The following SLC9B1 variants were observed in gnomAD, a reference collection of about 807,000 sequenced individuals.
SLC9B1 encodes solute carrier family 9 member B1.
In SLC9B1, 32 loss-of-function variants were observed where a neutral mutation model predicts 51.7. That is an observed-to-expected ratio of 0.62 (90% CI 0.47 to 0.83). The LOEUF (loss-of-function observed/expected upper bound fraction) is 0.83, where lower values mean the gene tolerates loss of function less well. SLC9B1 is among the 40% of genes least tolerant of loss of function. The probability of loss-of-function intolerance (pLI) is 0.00; values close to 1 mark genes in which losing one functional copy is unlikely to be tolerated. For missense variants in SLC9B1, 406 were observed against 613.2 expected (o/e 0.66, Z 3.57); for synonymous variants, 145 against 212.7 (o/e 0.68, Z 2.77).
chr4:102,927,931 T>C (rs537122196), intron 7 of SLC9B1, among the ~76,000 whole-genome samples: 2 of 152,196 alleles, frequency 1.3e-5, no homozygotes, highest in African/African-American at 2.4e-5. Flanking sequence ...TGCAGGGAGA[T>C]AGATGAAGCT....
intron 3 of SLC9B1, among the ~76,000 whole-genome samples, chr4:102,955,126 C>T (rs1737717956): frequency 6.6e-6 from 1 of 152,170 alleles, no homozygotes; most frequent in South Asian, 2.1e-4. Context: ...GAATTGTACT[C>T]CCACAATTCC....
intron 3 of SLC9B1, among the ~76,000 whole-genome samples, chr4:102,959,502 A>G (rs1324073519): frequency 6.6e-6 from 1 of 151,970 alleles, no homozygotes; most frequent in Non-Finnish European, 1.5e-5. Flanking sequence ...ATTTCTGGTT[A>G]TAGAATTTTT....
At chr4:102,905,233 A>ATTTATTTT (rs569004930) in intron 11 of SLC9B1, among the ~76,000 whole-genome samples, 4 of 149,468 alleles carry the variant, frequency 2.7e-5, no homozygotes, top group Non-Finnish European at 5.9e-5. Flanking sequence ...TTATTTATTT[A>ATTTATTTT]TTTTTTTGAG....
intron 11 of SLC9B1, among the ~76,000 whole-genome samples, chr4:102,902,237 C>A (rs1734823348): frequency 6.6e-6 from 1 of 151,996 alleles, no homozygotes; most frequent in Non-Finnish European, 1.5e-5. Flanking sequence ...GAATTAAATA[C>A]CAATATATAA....
intron 3 of SLC9B1, among the ~76,000 whole-genome samples, chr4:102,958,962 C>G (rs778157946): frequency 1.1e-4 from 17 of 150,994 alleles, no homozygotes; most frequent in Non-Finnish European, 2.4e-4. Flanking sequence ...AAATAGGGCA[C>G]TAAAAATACT....
intron 3 of SLC9B1, among the ~76,000 whole-genome samples, chr4:102,951,528 T>G (rs1463397989): frequency 2.6e-5 from 4 of 151,828 alleles, no homozygotes; most frequent in Non-Finnish European, 5.9e-5. Context: ...AGAAATTACT[T>G]GAAAGCATTG....
At chr4:103,017,382 T>G (rs1038023731) in intron 1 of SLC9B1, among the ~76,000 whole-genome samples, 10 of 152,238 alleles carry the variant, frequency 6.6e-5, no homozygotes, top group Admixed American at 4.6e-4. Context: ...AACTCACTAC[T>G]GGTTTCTCTT....
chr4:102,950,697 T>C (rs946859174), intron 3 of SLC9B1, among the ~76,000 whole-genome samples: 1 of 152,074 alleles, frequency 6.6e-6, no homozygotes, highest in Non-Finnish European at 1.5e-5. Context: ...AAACTCTTAC[T>C]AAAAGAATGG....
intron 1 of SLC9B1, among the ~76,000 whole-genome samples, chr4:103,002,122 G>A (rs919650499): frequency 1.3e-5 from 2 of 152,174 alleles, no homozygotes; most frequent in African/African-American, 4.8e-5. Context: ...CCCTCAACAT[G>A]TGGGCTTACA....
intron 1 of SLC9B1, among the ~76,000 whole-genome samples, chr4:103,012,204 C>A (rs963036979): frequency 1.3e-5 from 2 of 152,188 alleles, no homozygotes; most frequent in African/African-American, 4.8e-5. Context: ...ATTTCTTCCC[C>A]TAAATATCCT....
At chr4:102,968,538 A>G (rs1738554403) in intron 3 of SLC9B1, among the ~76,000 whole-genome samples, 1 of 152,250 alleles carries the variant, frequency 6.6e-6, no homozygotes, top group Non-Finnish European at 1.5e-5. Flanking sequence ...AATATTTCTT[A>G]AATAAATGAA....
At chr4:102,998,350 T>C (rs1258582900) in intron 1 of SLC9B1, among the ~76,000 whole-genome samples, 2 of 152,214 alleles carry the variant, frequency 1.3e-5, no homozygotes, top group Non-Finnish European at 2.9e-5. Context: ...CTGTACATGT[T>C]GTAGCATGTA....
At chr4:102,918,027 C>T (rs1735669470) in intron 7 of SLC9B1, among the ~76,000 whole-genome samples, 1 of 139,992 alleles carries the variant, frequency 7.1e-6, no homozygotes, top group Non-Finnish European at 1.5e-5. Context: ...GAGATCGTGC[C>T]ACTGCACTCC....
chr4:102,893,698 T>C (rs144385070), intron 11 of SLC9B1, among the ~76,000 whole-genome samples: 1,837 of 151,908 alleles, frequency 0.012, 39 homozygotes, highest in African/African-American at 0.042. Flanking sequence ...CCAAGGTGGG[T>C]GGATCACTTA....
intron 7 of SLC9B1, among the ~76,000 whole-genome samples, chr4:102,920,089 C>T (rs1735787663): frequency 6.6e-6 from 1 of 152,244 alleles, no homozygotes; most frequent in South Asian, 2.1e-4. Flanking sequence ...AATGGACAGA[C>T]TGCCTCATCA....
intron 3 of SLC9B1, among the ~76,000 whole-genome samples, chr4:102,955,903 G>A (rs4235408): frequency 0.26 from 21,605 of 81,640 alleles, 1,996 homozygotes; most frequent in African/African-American, 0.34. Context: ...GAAAGAAAGA[G>A]AGAGAAAGAC....
At chr4:103,019,484 G>A in intron 1 of SLC9B1, 115 bp downstream of exon 1, 2 of 663,158 alleles carry the variant, frequency 3.0e-6, no homozygotes, top group Non-Finnish European at 3.7e-6. Flanking sequence ...GAATCCCATT[G>A]AACTGAGGGG....
At chr4:103,006,205 G>A (rs1364212508) in intron 1 of SLC9B1, among the ~76,000 whole-genome samples, 1 of 151,572 alleles carries the variant, frequency 6.6e-6, no homozygotes, top group Non-Finnish European at 1.5e-5. Flanking sequence ...GAATAAATAA[G>A]ATTATAAATA....
At chr4:102,963,591 G>A (rs957610782) in intron 3 of SLC9B1, among the ~76,000 whole-genome samples, 15 of 151,166 alleles carry the variant, frequency 9.9e-5, no homozygotes, top group African/African-American at 3.2e-4. Flanking sequence ...TTTCACTTGA[G>A]CTTTTTTGTT....
Sources: allele counts gnomAD v4.1 joint callset (sites outside exome capture counted in the v4.1 genomes callset), GRCh38; gene constraint gnomAD v4.1.1; transcripts MANE v1.5; gene names NCBI Gene and HGNC (gene_info 2026-07-23, HGNC 2026-07-21).